Variants in FAM3B observed in about 807,000 individuals in gnomAD.
FAM3B encodes protein FAM3B.
A neutral mutation model predicts 28.4 loss-of-function variants in FAM3B; 29 were observed. That is an observed-to-expected ratio of 1.02 (90% CI 0.76 to 1.39). The LOEUF (loss-of-function observed/expected upper bound fraction) is 1.39, where lower values mean the gene tolerates loss of function less well. FAM3B is among the 40% of genes most tolerant of loss of function. The pLI is 0.00. For synonymous variants in FAM3B, 91 were observed against 103.0 expected, an observed-to-expected ratio of 0.88 and a Z score of 0.71; for missense variants, 266 against 293.9, an observed-to-expected ratio of 0.91 and a Z score of 0.69.
In FAM3B at chr21:41,346,027, A is replaced by T. The variant is rs2089056862; in HGVS notation, c.397+291A>T. The T allele has an allele frequency of 1.5e-5, 4 of 269,184 alleles. No homozygotes were observed. In the South Asian group the frequency reaches 1.5e-4, roughly 10 times the overall value. 16.7% of individuals were successfully genotyped at this position (269,184 alleles called of 1,614,324 possible). A position where few individuals can be genotyped will look rare whatever the true frequency, so the allele number is the denominator to read the frequency against. ...AAGAGAAAAAGCCTTTTTTTTAAAA[A>T]AAAAAAAAAGCCAAATACATTATAT... On this transcript the variant is annotated intron_variant, in intron 5 of 7. Transcript: ENST00000357985.
intron 6 of FAM3B, among the ~76,000 whole-genome samples, chr21:41,347,805 C>T (rs1351863998): frequency 6.6e-6 from 1 of 150,468 alleles, no homozygotes; most frequent in Non-Finnish European, 1.5e-5. Flanking sequence ...CATACACATT[C>T]AATACTGTAC....
At chr21:41,305,937 A>T (rs182957062) in intron 1 of FAM3B, among the ~76,000 whole-genome samples, 5 of 152,312 alleles carry the variant, frequency 3.3e-5, no homozygotes, top group Admixed American at 3.3e-4. Flanking sequence ...ATAGTATTTG[A>T]CCCATAGTGT....
intron 1 of FAM3B, among the ~76,000 whole-genome samples, chr21:41,306,883 T>G (rs1181358694): frequency 6.6e-6 from 1 of 152,236 alleles, no homozygotes. Context: ...CAATAGGTAG[T>G]ATTTCATCCC....
chr21:41,344,487 A>G lies in FAM3B; in HGVS notation c.299A>G (p.Glu100Gly), dbSNP rs2145824971. 6.2e-7 allele frequency: 1 copy of G among 1,614,072 alleles called. No homozygotes were observed. Among genetic ancestry groups the G allele is most frequent in the South Asian group, 1.1e-5 (1 of 91,074 alleles). The change falls in exon 4 of 8, where the codon GAA becomes GGA. Residue 100 changes from glutamate to glycine, a missense_variant. Transcript: ENST00000357985. The stretch of plus-strand genomic sequence containing the variant: ...TAGCTCCATTTCAGACTTATGGGAG[A>G]ACAGCTGGGAAATGTTGCCAGAGGA... ...ICFEDNLLMG[E>G]QLGNVARGIN...
At chr21:41,345,817 C>T (rs2089053624) in intron 5 of FAM3B, 81 bp downstream of exon 5, 1 of 945,870 alleles carries the variant, frequency 1.1e-6, no homozygotes, top group Non-Finnish European at 1.7e-6. Context: ...AAAATGTCAA[C>T]CATTTTTATT....
intron 1 of FAM3B, chr21:41,322,655 T>C (rs1363586514): frequency 1.4e-6 from 1 of 718,382 alleles, no homozygotes; most frequent in East Asian, 2.7e-5. Context: ...TTCAAGGACG[T>C]TTGTTGGTTA....
At chr21:41,317,131 G>T (rs1042940995) in intron 1 of FAM3B, among the ~76,000 whole-genome samples, 1 of 152,188 alleles carries the variant, frequency 6.6e-6, no homozygotes, top group Non-Finnish European at 1.5e-5. Flanking sequence ...CCCCGCGCTC[G>T]CCAGGCCTGT....
chr21:41,356,344 A>C (rs186012115), intron 7 of FAM3B, among the ~76,000 whole-genome samples: 1 of 152,220 alleles, frequency 6.6e-6, no homozygotes, highest in South Asian at 2.1e-4. Flanking sequence ...ATAGTTTAGC[A>C]TAGCATACCT....
chr21:41,329,503 G>T (rs1303704946), intron 2 of FAM3B, among the ~76,000 whole-genome samples: 1 of 152,084 alleles, frequency 6.6e-6, no homozygotes, highest in Non-Finnish European at 1.5e-5. Context: ...TGGCTCCACA[G>T]AGCAAGAGTA....
chr21:41,342,260 C>G lies in FAM3B; in HGVS notation c.288-2216C>G, dbSNP rs1440608948. On this transcript the variant is annotated intron_variant, in intron 3 of 7. Transcript: ENST00000357985. ...GAAAGTAACTGCCCATTGCCCTCGTCCCCGTCACCTTAGAGATTCCTTGTC... is the reference window on the plus strand; with the variant it reads ...GAAAGTAACTGCCCATTGCCCTCGTGCCCGTCACCTTAGAGATTCCTTGTC... 2.0e-5 allele frequency among the ~76,000 whole-genome samples: 3 copies of G among 152,212 alleles called. No individual in the cohort carries two copies. The East Asian group carries it at 5.8e-4, about 29-fold the overall frequency.
At chr21:41,351,268 G>A (rs542862119) in intron 7 of FAM3B, among the ~76,000 whole-genome samples, 36 of 152,198 alleles carry the variant, frequency 2.4e-4, no homozygotes, top group Non-Finnish European at 4.6e-4. Flanking sequence ...AAGACTGGAC[G>A]TCAAAGCCAG....
chr21:41,311,632 A>G (rs2088714701), intron 1 of FAM3B, among the ~76,000 whole-genome samples: 7 of 151,956 alleles, frequency 4.6e-5, no homozygotes, highest in Admixed American at 4.6e-4. Context: ...ATTTTTGCAA[A>G]TCTCTTTAAT....
intron 1 of FAM3B, among the ~76,000 whole-genome samples, chr21:41,307,792 A>T (rs2088689868): frequency 6.6e-6 from 1 of 152,222 alleles, no homozygotes; most frequent in Non-Finnish European, 1.5e-5. Context: ...TGGCACCCCC[A>T]AAATAGTCAC....
At chr21:41,321,559 C>T (rs1171145061) in intron 1 of FAM3B, among the ~76,000 whole-genome samples, 3 of 152,232 alleles carry the variant, frequency 2.0e-5, no homozygotes, top group Non-Finnish European at 4.4e-5. Context: ...CCAGAGGAAA[C>T]CACCTGTGCT....
At chr21:41,314,867 AC>A (rs1274105938), upstream of FAM3B, among the ~76,000 whole-genome samples, 7 of 151,986 alleles carry the variant, frequency 4.6e-5, no homozygotes, top group Non-Finnish European at 1.0e-4. Context: ...GCTATGGAAA[AC>A]AGTATGGTGA....
chr21:41,353,245 C>T (rs975580395), intron 7 of FAM3B, among the ~76,000 whole-genome samples: 1 of 152,138 alleles, frequency 6.6e-6, no homozygotes, highest in African/African-American at 2.4e-5. Context: ...AATTGATCTA[C>T]AGATTTAACA....
At chr21:41,323,160 C>T in intron 2 of FAM3B, 94 bp downstream of exon 2, 28 of 1,524,898 alleles carry the variant, frequency 1.8e-5, no homozygotes, top group Non-Finnish European at 2.5e-5. Flanking sequence ...CTGGGGGGCC[C>T]TGACGGCTTT....
At chr21:41,329,480 T>C (rs1053076438) in intron 2 of FAM3B, among the ~76,000 whole-genome samples, 1 of 152,226 alleles carries the variant, frequency 6.6e-6, no homozygotes, top group Non-Finnish European at 1.5e-5. Context: ...GTCACCTTTA[T>C]TTTACTGAAT....
chr21:41,340,425 T>A (rs2088995165), intron 3 of FAM3B, among the ~76,000 whole-genome samples: 2 of 152,152 alleles, frequency 1.3e-5, no homozygotes, highest in Non-Finnish European at 2.9e-5. Context: ...GTGCTGGGAT[T>A]ACAGGCATGA....
Sources: gnomAD v4.1 joint callset for allele counts (sites outside exome capture counted in the v4.1 genomes callset) on GRCh38, gnomAD v4.1.1 for gene constraint, MANE v1.5 for transcripts, NCBI Gene and HGNC (gene_info 2026-07-23, HGNC 2026-07-21) for gene names.